SERPINB12: variants seen among roughly 807,000 people sequenced by gnomAD.
SERPINB12 encodes serpin B12.
In SERPINB12, 57 loss-of-function variants were observed where a neutral mutation model predicts 41.1. The observed-to-expected ratio is 1.39, with a 90% confidence interval of 1.12 to 1.73. SERPINB12 has a LOEUF of 1.73. Among genes scored for constraint, SERPINB12 ranks in the 40% most tolerant of loss-of-function variants. The probability of loss-of-function intolerance (pLI) is 0.00; values close to 1 mark genes in which losing one functional copy is unlikely to be tolerated. For missense variants in SERPINB12, 536 were observed against 501.9 expected, an observed-to-expected ratio of 1.07 and a Z score of -0.65; for synonymous variants, 180 against 181.3, an observed-to-expected ratio of 0.99 and a Z score of 0.06.
chr18:63,521,614 CA>C, the SERPINB12 span, among the ~76,000 whole-genome samples: 1 of 151,476 alleles, frequency 6.6e-6, no homozygotes, highest in Non-Finnish European at 1.5e-5. Context: ...TTATCTTGCC[CA>C]AAAAAAAGGT....
rs1910688539 is a variant in SERPINB12, at chr18:63,556,597, T to C, written c.168+270T>C. 2.0e-5 allele frequency among the ~76,000 whole-genome samples: 3 copies of C among 152,226 alleles called. No individual in the cohort carries two copies. In the South Asian group the frequency reaches 6.2e-4, roughly 32 times the overall value. On this transcript the variant is annotated intron_variant, in intron 2 of 7. Transcript: ENST00000382768. ...CTTTTCTCATTCATCTCTATCTTTA[T>C]CTCTGTATGCATGTCTGTCACTCTT...
chr18:63,564,509 T>C (rs887129943), intron 6 of SERPINB12, among the ~76,000 whole-genome samples: 2 of 152,178 alleles, frequency 1.3e-5, no homozygotes, highest in African/African-American at 4.8e-5. Flanking sequence ...AAGGGTTGGG[T>C]CCCAGCCACC....
chr18:63,535,226 A>G, the SERPINB12 span, among the ~76,000 whole-genome samples: 1 of 152,194 alleles, frequency 6.6e-6, no homozygotes, highest in Non-Finnish European at 1.5e-5. Context: ...GCATAGCTAC[A>G]GTCTCAAAAT....
At chr18:63,526,390 C>A in the SERPINB12 span, among the ~76,000 whole-genome samples, 1 of 152,148 alleles carries the variant, frequency 6.6e-6, no homozygotes, top group Non-Finnish European at 1.5e-5. Context: ...TCACTGCAGC[C>A]TTGAATTACT....
chr18:63,559,459 C>A, intron 3 of SERPINB12, 119 bp from the exon 4 acceptor site: 3 of 990,668 alleles, frequency 3.0e-6, no homozygotes, highest in Non-Finnish European at 4.5e-6. Context: ...GTAACAGAGA[C>A]AGCTGACATC....
chr18:63,560,335 G>T (rs1018079669), intron 4 of SERPINB12, among the ~76,000 whole-genome samples: 2 of 152,198 alleles, frequency 1.3e-5, no homozygotes, highest in Admixed American at 1.3e-4. Context: ...AAATGTGGGG[G>T]ATATGACCAA....
the SERPINB12 span, among the ~76,000 whole-genome samples, chr18:63,530,106 TG>T: frequency 3.3e-5 from 5 of 152,154 alleles, no homozygotes. Flanking sequence ...CTTCCTTCAT[TG>T]GTAAATGATC....
At chr18:63,520,844 A>G in the SERPINB12 span, among the ~76,000 whole-genome samples, 2 of 152,238 alleles carry the variant, frequency 1.3e-5, no homozygotes, top group Non-Finnish European at 2.9e-5. Flanking sequence ...CAAACTAAGT[A>G]ACACATAGAG....
At position 63,565,583 on chromosome 18, in the gene SERPINB12, T is replaced by C; in HGVS notation, c.844T>C (p.Ser282Pro). 1 of 1,613,888 alleles carries C rather than the reference T, an allele frequency of 6.2e-7. No individual in the cohort carries two copies. Among genetic ancestry groups the C allele is most frequent in the East Asian group, 2.2e-5 (1 of 44,878 alleles). ...CATGTTCGTGCTGCTGCCATCTCAC[T>C]CTAAAGATAACCTGAAGGGTCTGGA... is the stretch of plus-strand genomic sequence containing the variant. The part of the protein sequence containing the change: ...LSMFVLLPSH[S>P]KDNLKGLEEL... Residue 282 changes from serine (S) to proline (P), a missense_variant, in exon 7 of 8, where the codon TCT becomes CCT. Transcript: ENST00000382768.
At chr18:63,534,332 T>C in the SERPINB12 span, among the ~76,000 whole-genome samples, 1 of 152,126 alleles carries the variant, frequency 6.6e-6, no homozygotes, top group African/African-American at 2.4e-5. Context: ...CACCTAACAA[T>C]TATCTGTGGG....
At position 63,565,524 on chromosome 18, in the gene SERPINB12, T is replaced by C. The variant is rs758917366; in HGVS notation, c.785T>C (p.Ile262Thr). 1.1e-5 allele frequency: 17 copies of C among 1,613,964 alleles called. 1 individual carries two copies. Among genetic ancestry groups the C allele is most frequent in the Middle Eastern group, 1.6e-4 (1 of 6,084 alleles). ...IGFIEEVKAQ[I>T]LEMRYTKGKL... Reference sequence around the variant, plus strand: ...TTCATAGAGGAGGTGAAGGCACAGATCCTGGAAATGAGGTACACCAAGGGG... The same window carrying C: ...TTCATAGAGGAGGTGAAGGCACAGACCCTGGAAATGAGGTACACCAAGGGG... The change falls in exon 7 of 8, where the codon ATC (isoleucine) becomes ACC (threonine). Residue 262 changes from isoleucine to threonine, a missense_variant. Transcript: ENST00000382768.
the SERPINB12 span, among the ~76,000 whole-genome samples, chr18:63,536,399 C>T: frequency 6.6e-6 from 1 of 151,794 alleles, no homozygotes; most frequent in East Asian, 1.9e-4. Flanking sequence ...GATAGAAAGA[C>T]ACAGAAAAAG....
intron 5 of SERPINB12, among the ~76,000 whole-genome samples, chr18:63,562,039 AG>A (rs1480365002): frequency 2.0e-5 from 3 of 152,198 alleles, no homozygotes; most frequent in African/African-American, 7.2e-5. Context: ...AAAACAAAAA[AG>A]CATGGTCTGA....
Position 63,566,838 on chromosome 18 carries a change from T to A in SERPINB12, c.1105T>A (p.Phe369Ile). The A allele has an allele frequency of 6.2e-7, 1 of 1,614,044 alleles. No homozygotes were observed. The highest frequency in any genetic ancestry group is 8.5e-7 in the Non-Finnish European group (1 of 1,179,972). The change falls in exon 8 of 8, where the codon TTT (phenylalanine) becomes ATT (isoleucine). Residue 369 changes from phenylalanine to isoleucine, a missense_variant. Coordinates refer to ENST00000382768, the MANE Select transcript of SERPINB12 (RefSeq NM_001307928.2). ...CTTGTCAAAAATTATCCACAAAACCTTTGTGGAGGTGGATGAAAACGGTAC... is the reference window on the plus strand; with the variant it reads ...CTTGTCAAAAATTATCCACAAAACCATTGTGGAGGTGGATGAAAACGGTAC... ...LYLSKIIHKT[F>I]VEVDENGTQA...
the SERPINB12 span, among the ~76,000 whole-genome samples, chr18:63,527,975 C>A: frequency 6.6e-6 from 1 of 151,912 alleles, no homozygotes; most frequent in Non-Finnish European, 1.5e-5. Context: ...TGGTTTTATA[C>A]GGGGGGAGTT....
At chr18:63,538,192 T>A (rs1248486411), upstream of SERPINB12, among the ~76,000 whole-genome samples, 1 of 152,168 alleles carries the variant, frequency 6.6e-6, no homozygotes, top group East Asian at 1.9e-4. Context: ...AACTACTTTA[T>A]TAAAATATAA....
chr18:63,557,479 C>G (rs760072480), intron 2 of SERPINB12, among the ~76,000 whole-genome samples: 1 of 152,142 alleles, frequency 6.6e-6, no homozygotes, highest in Non-Finnish European at 1.5e-5. Flanking sequence ...GCACATAGTG[C>G]GGGGGTTATG....
At position 63,561,009 on chromosome 18, in the gene SERPINB12, G is replaced by A; in HGVS notation, c.445-76G>A. The A allele has an allele frequency of 3.3e-6, 3 of 922,564 alleles. No homozygotes were observed. The Admixed American group carries it at 5.8e-5, about 18-fold the overall frequency. 57.1% of individuals were successfully genotyped at this position (922,564 alleles called of 1,614,324 possible). A position where few individuals can be genotyped will look rare whatever the true frequency, so the allele number is the denominator to read the frequency against. On this transcript the variant is annotated intron_variant, in intron 4 of 7. Coordinates refer to ENST00000382768, the MANE Select transcript of SERPINB12 (RefSeq NM_001307928.2). ...CTCATCTTTCTTGGGAGACTTCTCAGGAGAGTCTCACTCCTAACTACGAGC... is the reference window on the plus strand; with the variant it reads ...CTCATCTTTCTTGGGAGACTTCTCAAGAGAGTCTCACTCCTAACTACGAGC...
chr18:63,566,662 T>G lies in SERPINB12; in HGVS notation c.929T>G (p.Met310Arg). The G allele has an allele frequency of 6.2e-7, 1 of 1,613,990 alleles. No individual in the cohort carries two copies. Among genetic ancestry groups the G allele is most frequent in the Non-Finnish European group, 8.5e-7 (1 of 1,179,964 alleles). ...GTGGCCTGGAGCAGCTCAGAAAACA[T>G]GTCAGAAGAATCGGTGGTCCTGTCC... ...KMVAWSSSEN[M>R]SEESVVLSFP... Residue 310 changes from methionine to arginine, a missense_variant, in exon 8 of 8, where the codon ATG becomes AGG. By Grantham distance (91) the Met-to-Arg change is moderately conservative (BLOSUM62 -1). Transcript: ENST00000382768.
Sources: gnomAD v4.1 joint callset for allele counts (sites outside exome capture counted in the v4.1 genomes callset) on GRCh38, gnomAD v4.1.1 for gene constraint, MANE v1.5 for transcripts, NCBI Gene and HGNC (gene_info 2026-07-23, HGNC 2026-07-21) for gene names.